MYO16: variants seen among roughly 807,000 people sequenced by gnomAD.
MYO16 encodes myosin XVI, also known as unconventional myosin-XVI.
MYO16 carries 94 observed loss-of-function variants against 205.3 expected under a neutral mutation model. The observed-to-expected ratio is 0.46, with a 90% CI of 0.39 to 0.54. The LOEUF (loss-of-function observed/expected upper bound fraction) is 0.54, where lower values mean the gene tolerates loss of function less well. Among genes scored for constraint, MYO16 ranks in the 20% least tolerant of loss-of-function variants. MYO16 has a pLI of 0.00. For synonymous variants in MYO16, 988 were observed against 954.0 expected (o/e 1.04, Z -0.66); for missense variants, 2,315 against 2,387.5 (o/e 0.97, Z 0.63).
At position 109,140,615 on chromosome 13, in the gene MYO16, G is replaced by T; in HGVS notation, c.4403G>T (p.Gly1468Val). The T allele has an allele frequency of 6.6e-7, 1 of 1,518,396 alleles. No individual in the cohort carries two copies. The highest frequency in any genetic ancestry group is 8.8e-7 in the Non-Finnish European group (1 of 1,138,720). The allele number at this position is 1,518,396 out of a possible 1,614,324, so 94.1% of individuals were successfully genotyped here. A position where few individuals can be genotyped will look rare whatever the true frequency, so the allele number is the denominator to read the frequency against. Residue 1468 changes from glycine (G) to valine (V), a missense_variant, in exon 32 of 35, where the codon GGC becomes GTC. Coordinates refer to ENST00000457511, the MANE Select transcript of MYO16 (RefSeq NM_001198950.3). This position sits in a 1 kb window ranked among gnomAD's most constrained non-coding sequence, Gnocchi z 8.0. ...KCCLPDDGGP[G>V]AGSFLLHGAS... is the part of the protein sequence containing the mutation. The stretch of plus-strand genomic sequence containing the variant: ...TGCCTGCCCGACGACGGCGGCCCGG[G>T]CGCGGGCTCCTTCCTGCTCCACGGC...
intron 23 of MYO16, among the ~76,000 whole-genome samples, chr13:109,031,283 G>T (rs966391473): frequency 6.6e-6 from 1 of 151,920 alleles, no homozygotes; most frequent in African/African-American, 2.4e-5. Context: ...ATAGGGATGG[G>T]GTTTCACCAT....
chr13:108,984,980 TACTG>T (rs1884577937), intron 20 of MYO16, among the ~76,000 whole-genome samples: 1 of 152,204 alleles, frequency 6.6e-6, no homozygotes, highest in South Asian at 2.1e-4. Context: ...ATTGATATAA[TACTG>T]ACATTAATAT....
intron 34 of MYO16, among the ~76,000 whole-genome samples, chr13:109,186,367 T>TGG (rs1879689283): frequency 6.6e-6 from 1 of 152,168 alleles, no homozygotes; most frequent in African/African-American, 2.4e-5. Context: ...TAGGGTGCTG[T>TGG]GGTGCCTCAG....
the MYO16 span, among the ~76,000 whole-genome samples, chr13:108,554,587 C>T: frequency 2.0e-5 from 3 of 152,262 alleles, no homozygotes; most frequent in South Asian, 4.1e-4. Context: ...TGGTGGCTCA[C>T]GCCTGTAATC....
chr13:108,622,542 T>C (rs1879583738), intron 1 of MYO16, among the ~76,000 whole-genome samples: 1 of 151,976 alleles, frequency 6.6e-6, no homozygotes, highest in East Asian at 1.9e-4. Context: ...AGAATTTATC[T>C]GTGTCTGTTG....
intron 21 of MYO16, among the ~76,000 whole-genome samples, chr13:109,007,456 C>T (rs1485407911): frequency 3.3e-5 from 5 of 150,562 alleles, no homozygotes; most frequent in Non-Finnish European, 7.4e-5. Flanking sequence ...AGTTTGATGG[C>T]GCCATGGTGT....
rs989885041 is a variant in MYO16 at position 108,960,857 on chromosome 13, G to A, written c.2038-682G>A. 1.7e-4 allele frequency among the ~76,000 whole-genome samples: 26 copies of A among 152,142 alleles called. 1 individual carries two copies. Among genetic ancestry groups the A allele is most frequent in the Middle Eastern group, 3.4e-3 (1 of 294 alleles). On this transcript the variant is annotated intron_variant, in intron 17 of 34. Coordinates refer to ENST00000457511, the MANE Select transcript of MYO16 (RefSeq NM_001198950.3). ...TAAGGTCTCATTTTTTTTATGCAGC[G>A]TTCCAGATTCTCTTTCAGCATTCTC... is the stretch of plus-strand genomic sequence containing the variant.
At chr13:108,509,482 G>A in the MYO16 span, among the ~76,000 whole-genome samples, 3 of 152,084 alleles carry the variant, frequency 2.0e-5, no homozygotes, top group Non-Finnish European at 4.4e-5. Context: ...ACATGTATGT[G>A]TACATATGAG....
chr13:108,583,424 C>A, the MYO16 span, among the ~76,000 whole-genome samples: 2 of 152,116 alleles, frequency 1.3e-5, no homozygotes, highest in African/African-American at 4.8e-5. Flanking sequence ...TTCCCTCATA[C>A]GTGATTCTAA....
At chr13:109,082,834 G>A (rs1054794500) in intron 27 of MYO16, among the ~76,000 whole-genome samples, 2 of 151,944 alleles carry the variant, frequency 1.3e-5, no homozygotes, top group African/African-American at 4.8e-5. Flanking sequence ...CCAAGCAGAA[G>A]ATAATGGGTT....
chr13:108,735,470 C>CATGGTATATACCATGTGTATTCT (rs1884664281), intron 4 of MYO16, among the ~76,000 whole-genome samples: 1 of 151,184 alleles, frequency 6.6e-6, no homozygotes, highest in Non-Finnish European at 1.5e-5. Flanking sequence ...CATAGTATTC[C>CATGGTATATACCATGTGTATTCT]ATGGTATATA....
At chr13:108,980,863 T>C (rs763389202) in intron 20 of MYO16, among the ~76,000 whole-genome samples, 5 of 152,194 alleles carry the variant, frequency 3.3e-5, no homozygotes, top group Non-Finnish European at 7.3e-5. Context: ...ACAGTTTACA[T>C]TGACATTAGC....
At chr13:108,735,920 T>C (rs766160553) in intron 4 of MYO16, among the ~76,000 whole-genome samples, 1 of 152,250 alleles carries the variant, frequency 6.6e-6, no homozygotes, top group Non-Finnish European at 1.5e-5. Context: ...TTCATGTGTC[T>C]GTTAGCTGCA....
intron 33 of MYO16, among the ~76,000 whole-genome samples, chr13:109,176,422 C>T (rs1284502848): frequency 1.3e-5 from 2 of 151,182 alleles, no homozygotes; most frequent in Non-Finnish European, 2.9e-5. Flanking sequence ...ATTTTTAGGG[C>T]ATTGTCAATA....
At chr13:108,584,110 C>T in the MYO16 span, among the ~76,000 whole-genome samples, 5 of 152,048 alleles carry the variant, frequency 3.3e-5, no homozygotes, top group East Asian at 1.9e-4. Context: ...CCCACCACCA[C>T]GCCCAGCTAA....
In MYO16 at chr13:109,085,078, C is replaced by T. The variant is rs766905275; in HGVS notation, c.3336-15707C>T. Reference sequence around the variant, plus strand: ...GCACTGAGGGAGCATGTGAGTTCAGCAGGTTCAGCCTGGGGGAGAGCAGAT... The same window carrying T: ...GCACTGAGGGAGCATGTGAGTTCAGTAGGTTCAGCCTGGGGGAGAGCAGAT... On this transcript the variant is annotated intron_variant, in intron 27 of 34. Coordinates refer to ENST00000457511, the MANE Select transcript of MYO16 (RefSeq NM_001198950.3). 2.8e-4 allele frequency among the ~76,000 whole-genome samples: 43 copies of T among 152,098 alleles called. 1 individual carries two copies. Among genetic ancestry groups the T allele is most frequent in the Non-Finnish European group, 3.4e-4 (23 of 68,020 alleles).
chr13:108,739,854 T>A (rs1434768982), intron 4 of MYO16, among the ~76,000 whole-genome samples: 1 of 152,226 alleles, frequency 6.6e-6, no homozygotes, highest in Non-Finnish European at 1.5e-5. Context: ...CTTTTTTCTC[T>A]AAACTTCTCT....
chr13:108,797,053 G>A (rs1355210231), intron 6 of MYO16, among the ~76,000 whole-genome samples: 1 of 152,142 alleles, frequency 6.6e-6, no homozygotes, highest in South Asian at 2.1e-4. Context: ...GACAACAGGG[G>A]TAGAATGGTA....
At chr13:108,657,076 G>A (rs143104182) in intron 1 of MYO16, among the ~76,000 whole-genome samples, 208 of 152,282 alleles carry the variant, frequency 1.4e-3, no homozygotes, top group African/African-American at 4.4e-3. Flanking sequence ...CATCTTGAAC[G>A]GTCTTAATGA....
Sources: gnomAD v4.1 joint callset for allele counts (sites outside exome capture counted in the v4.1 genomes callset) on GRCh38, gnomAD v4.1.1 for gene constraint, Gnocchi (gnomAD v3.1) non-coding constraint, MANE v1.5 for transcripts, NCBI Gene and HGNC (gene_info 2026-07-23, HGNC 2026-07-21) for gene names.